Variants in PDZRN3 observed in about 807,000 individuals in gnomAD.
PDZRN3 encodes PDZ domain containing ring finger 3, also known as E3 ubiquitin-protein ligase PDZRN3.
Under a neutral mutation model 85.7 loss-of-function variants are expected in PDZRN3, and 38 were observed. The observed-to-expected ratio is 0.44, with a 90% confidence interval of 0.34 to 0.58. The LOEUF (loss-of-function observed/expected upper bound fraction) is 0.58. PDZRN3 is among the 20% of genes least tolerant of loss of function. PDZRN3 has a pLI of 0.01. For synonymous variants in PDZRN3, 759 were observed against 638.0 expected, an observed-to-expected ratio of 1.19 and a Z score of -2.86; for missense variants, 1,629 against 1,506.4, an observed-to-expected ratio of 1.08 and a Z score of -1.35.
At chr3:73,528,834 G>C (rs181131832) in intron 3 of PDZRN3, among the ~76,000 whole-genome samples, 7 of 151,798 alleles carry the variant, frequency 4.6e-5, no homozygotes, top group African/African-American at 1.2e-4. Flanking sequence ...AGGAAGAAGG[G>C]GAATGGCAAG....
intron 3 of PDZRN3, among the ~76,000 whole-genome samples, chr3:73,466,109 G>T (rs1302011691): frequency 6.6e-6 from 1 of 152,078 alleles, no homozygotes; most frequent in Non-Finnish European, 1.5e-5. Flanking sequence ...CTGATGTCTG[G>T]GAATATAACA....
chr3:73,418,756 G>A (rs1324886493), intron 3 of PDZRN3, among the ~76,000 whole-genome samples: 1 of 152,142 alleles, frequency 6.6e-6, no homozygotes, highest in Non-Finnish European at 1.5e-5. Flanking sequence ...GTTGCCTCAG[G>A]ACAATGGATC....
chr3:73,620,293 G>A (rs533573186), intron 1 of PDZRN3, among the ~76,000 whole-genome samples: 4 of 152,226 alleles, frequency 2.6e-5, no homozygotes, highest in Admixed American at 6.5e-5. Context: ...AAAAGGTATC[G>A]AGGATGTATC....
chr3:73,394,273 G>A (rs1701590568), intron 5 of PDZRN3, among the ~76,000 whole-genome samples: 1 of 152,194 alleles, frequency 6.6e-6, no homozygotes, highest in Non-Finnish European at 1.5e-5. Flanking sequence ...GCACGGGAGA[G>A]AAGAGGGTCC....
chr3:73,540,100 A>C (rs902585986), intron 3 of PDZRN3, among the ~76,000 whole-genome samples: 4 of 151,454 alleles, frequency 2.6e-5, no homozygotes, highest in South Asian at 4.2e-4. Flanking sequence ...AAAAAAAAAA[A>C]AAAAAAAAAA....
chr3:73,544,788 C>T (rs1257372072), intron 3 of PDZRN3, among the ~76,000 whole-genome samples: 4 of 151,752 alleles, frequency 2.6e-5, no homozygotes, highest in Non-Finnish European at 5.9e-5. Context: ...AAGGAAATAT[C>T]TGTTGGAGTT....
chr3:73,598,800 T>C (rs1247978613), intron 3 of PDZRN3, among the ~76,000 whole-genome samples: 4 of 152,188 alleles, frequency 2.6e-5, no homozygotes, highest in African/African-American at 4.8e-5. Flanking sequence ...GATGTTGACA[T>C]CTCTGTCCCT....
chr3:73,427,447 C>T (rs1184292926), intron 3 of PDZRN3, among the ~76,000 whole-genome samples: 11 of 152,264 alleles, frequency 7.2e-5, no homozygotes, highest in South Asian at 2.1e-4. Context: ...CCCCCACCAC[C>T]GCCCACATTT....
chr3:73,518,738 C>A (rs910605556), intron 3 of PDZRN3, among the ~76,000 whole-genome samples: 1 of 152,044 alleles, frequency 6.6e-6, no homozygotes, highest in African/African-American at 2.4e-5. Context: ...TGTTGCCTTC[C>A]GTCTTCACAT....
chr3:73,449,607 TTAAA>T (rs1212421737), intron 3 of PDZRN3, among the ~76,000 whole-genome samples: 1 of 152,218 alleles, frequency 6.6e-6, no homozygotes, highest in Non-Finnish European at 1.5e-5. Context: ...CGCCTCACTG[TTAAA>T]TAAGCGAACA....
At chr3:73,622,886 G>A (rs1702889474) in intron 1 of PDZRN3, among the ~76,000 whole-genome samples, 1 of 152,196 alleles carries the variant, frequency 6.6e-6, no homozygotes, top group African/African-American at 2.4e-5. Flanking sequence ...TGGTTGCACT[G>A]AGGAGCAACA....
At chr3:73,610,850 A>G (rs963490936) in intron 1 of PDZRN3, among the ~76,000 whole-genome samples, 2 of 152,238 alleles carry the variant, frequency 1.3e-5, no homozygotes, top group African/African-American at 4.8e-5. Flanking sequence ...ATTACATTGC[A>G]TTGACAATGA....
chr3:73,489,988 T>C (rs918144442), intron 3 of PDZRN3, among the ~76,000 whole-genome samples: 2 of 152,216 alleles, frequency 1.3e-5, no homozygotes, highest in Non-Finnish European at 2.9e-5. Context: ...GAGTAGCTTG[T>C]GGAATCAGCC....
At chr3:73,555,047 A>AG (rs757425999) in intron 3 of PDZRN3, among the ~76,000 whole-genome samples, 70 of 152,192 alleles carry the variant, frequency 4.6e-4, no homozygotes, top group Admixed American at 7.2e-4. Flanking sequence ...GATAAGTTGC[A>AG]GGGGGGATAG....
intron 5 of PDZRN3, among the ~76,000 whole-genome samples, chr3:73,394,918 T>C (rs1191667784): frequency 2.6e-5 from 4 of 152,260 alleles, no homozygotes; most frequent in African/African-American, 9.6e-5. Flanking sequence ...TGGTTTACCT[T>C]GTTTTCTTAT....
chr3:73,396,131 G>A (rs141482192), intron 5 of PDZRN3, among the ~76,000 whole-genome samples: 1 of 152,154 alleles, frequency 6.6e-6, no homozygotes, highest in Non-Finnish European at 1.5e-5. Context: ...GCTGAGGCAG[G>A]TGAATTGCTT....
At chr3:73,593,162 C>T (rs1322842969) in intron 3 of PDZRN3, among the ~76,000 whole-genome samples, 1 of 150,564 alleles carries the variant, frequency 6.6e-6, no homozygotes, top group Non-Finnish European at 1.5e-5. Flanking sequence ...GTCTAGATAT[C>T]ACATGTAAAG....
chr3:73,532,320 GCA>G (rs1704678072), intron 3 of PDZRN3, among the ~76,000 whole-genome samples: 1 of 152,144 alleles, frequency 6.6e-6, no homozygotes, highest in African/African-American at 2.4e-5. Flanking sequence ...GCATTTTTAA[GCA>G]CAGTGTTAGT....
At chr3:73,600,443 TGGGA>T (rs1702500375) in intron 3 of PDZRN3, among the ~76,000 whole-genome samples, 1 of 151,814 alleles carries the variant, frequency 6.6e-6, no homozygotes, top group South Asian at 2.1e-4. Context: ...TTTTCAGTCA[TGGGA>T]ATCACTGTAT....
Sources: gnomAD v4.1 joint callset for allele counts (sites outside exome capture counted in the v4.1 genomes callset) on GRCh38, gnomAD v4.1.1 for gene constraint, MANE v1.5 for transcripts, NCBI Gene and HGNC (gene_info 2026-07-23, HGNC 2026-07-21) for gene names.